The following LCORL variants were observed in gnomAD, a reference collection of about 807,000 sequenced individuals.
The protein encoded by LCORL is ligand-dependent nuclear receptor corepressor-like protein.
Under a neutral mutation model 141.8 loss-of-function variants are expected in LCORL, and 41 were observed. The ratio of observed to expected loss-of-function variants is 0.29; its 90% confidence interval spans 0.23 to 0.38. The LOEUF (loss-of-function observed/expected upper bound fraction) is 0.38. Among genes scored for constraint, LCORL ranks in the 10% least tolerant of loss-of-function variants. The probability of loss-of-function intolerance (pLI) is 1.00; values close to 1 mark genes in which losing one functional copy is unlikely to be tolerated. For missense variants in LCORL, 1,759 were observed against 2,035.0 expected (o/e 0.86, Z 2.61); for synonymous variants, 618 against 694.1 (o/e 0.89, Z 1.72).
chr4:17,853,039 T>C (rs1723944559), intron 7 of LCORL, among the ~76,000 whole-genome samples: 1 of 137,892 alleles, frequency 7.3e-6, no homozygotes, highest in Non-Finnish European at 1.6e-5. Flanking sequence ...GGCAGTGTGC[T>C]AAAAGCTTGA....
chr4:17,848,634 T>C lies in LCORL; in HGVS notation c.5603-2733A>G, dbSNP rs1038194445. On this transcript the variant is annotated intron_variant, in intron 7 of 7. Transcript: ENST00000635767. ...GACGAGTGATTTCTGCATTTCCATC[T>C]GAGGTACCAGGTTCATCTCACTAGG... 2.8e-3 allele frequency among the ~76,000 whole-genome samples: 422 copies of C among 152,382 alleles called. 2 individuals are homozygous for C. The highest frequency in any genetic ancestry group is 2.9e-3 in the Non-Finnish European group (199 of 68,040).
At chr4:17,923,246 T>G (rs926141316) in intron 4 of LCORL, among the ~76,000 whole-genome samples, 1 of 152,238 alleles carries the variant, frequency 6.6e-6, no homozygotes, top group Non-Finnish European at 1.5e-5. Flanking sequence ...GCTGAATTTA[T>G]GGATTTAGGC....
intron 1 of LCORL, among the ~76,000 whole-genome samples, chr4:17,989,482 G>A (rs1371680784): frequency 6.6e-6 from 1 of 152,128 alleles, no homozygotes; most frequent in Non-Finnish European, 1.5e-5. Flanking sequence ...GTTCGAGAAA[G>A]TAATAGACAG....
intron 2 of LCORL, 72 bp from the exon 3 acceptor site, chr4:17,963,121 G>A: frequency 2.8e-6 from 2 of 713,962 alleles, no homozygotes; most frequent in Admixed American, 2.7e-5. Context: ...ACTCTCCACA[G>A]CAATGGCTCA....
chr4:17,897,678 T>C (rs1730201382), intron 5 of LCORL, among the ~76,000 whole-genome samples: 2 of 152,324 alleles, frequency 1.3e-5, no homozygotes, highest in South Asian at 4.1e-4. Flanking sequence ...ATATTTTTCA[T>C]TCCACCGAAA....
At chr4:17,843,400 A>C in exon 8 of LCORL, 1 of 1,611,604 alleles carries the variant, frequency 6.2e-7, no homozygotes, top group Admixed American at 1.7e-5. Flanking sequence ...AACCTTGCCC[A>C]ATTTCTCAAT....
chr4:17,983,279 T>C (rs982239436), intron 1 of LCORL, among the ~76,000 whole-genome samples: 17 of 152,200 alleles, frequency 1.1e-4, no homozygotes, highest in African/African-American at 3.6e-4. Flanking sequence ...AATTTACAAA[T>C]AGTTGTTTCT....
exon 7 of LCORL, chr4:17,874,016 A>G: frequency 1.6e-6 from 2 of 1,234,096 alleles, no homozygotes; most frequent in South Asian, 8.2e-5. Context: ...AAACACACTG[A>G]TTATCTACTA....
intron 6 of LCORL, among the ~76,000 whole-genome samples, chr4:17,878,769 A>T (rs1057105230): frequency 6.6e-6 from 1 of 151,340 alleles, no homozygotes; most frequent in Non-Finnish European, 1.5e-5. Context: ...GGCGTTAGCT[A>T]TTTAAAAATA....
chr4:17,930,424 G>A (rs1048309664), intron 4 of LCORL, among the ~76,000 whole-genome samples: 8 of 152,166 alleles, frequency 5.3e-5, no homozygotes, highest in African/African-American at 1.9e-4. Flanking sequence ...AAGAGACACA[G>A]GAGAATAATG....
intron 5 of LCORL, among the ~76,000 whole-genome samples, chr4:17,907,694 T>G (rs1414000803): frequency 6.6e-6 from 1 of 151,912 alleles, no homozygotes; most frequent in Non-Finnish European, 1.5e-5. Context: ...ATCATAAAAA[T>G]AACACAGGGA....
At chr4:17,960,537 C>T (rs147566383) in intron 4 of LCORL, among the ~76,000 whole-genome samples, 9 of 152,196 alleles carry the variant, frequency 5.9e-5, no homozygotes, top group Non-Finnish European at 7.4e-5. Context: ...CTTAGTGATA[C>T]AAGTCTGATA....
chr4:17,886,040 T>C, intron 6 of LCORL, 28 bp downstream of exon 6: 1 of 1,133,246 alleles, frequency 8.8e-7, no homozygotes, highest in Non-Finnish European at 1.3e-6. Context: ...ATATTAATAT[T>C]AAATTATATT....
At chr4:17,841,929 CCTTT>C (rs1722451426) in exon 8 of LCORL, 1 of 161,812 alleles carries the variant, frequency 6.2e-6, no homozygotes, top group Admixed American at 6.2e-5. Context: ...ACCTAACCTA[CCTTT>C]CTAACCCTTA....
intron 4 of LCORL, among the ~76,000 whole-genome samples, chr4:17,923,171 C>A (rs1453647746): frequency 6.6e-6 from 1 of 152,090 alleles, no homozygotes; most frequent in Non-Finnish European, 1.5e-5. Context: ...ATCTGGAGAA[C>A]AGGCATGGAA....
intron 5 of LCORL, among the ~76,000 whole-genome samples, chr4:17,901,838 C>T (rs976505098): frequency 1.3e-5 from 2 of 151,832 alleles, no homozygotes; most frequent in Non-Finnish European, 2.9e-5. Context: ...CAAATAATTA[C>T]AAGGGTAACA....
chr4:17,989,454 C>T (rs1004204044), intron 1 of LCORL, among the ~76,000 whole-genome samples: 1 of 152,060 alleles, frequency 6.6e-6, no homozygotes, highest in Non-Finnish European at 1.5e-5. Context: ...TTCAATGACA[C>T]CAAAGTAAGT....
chr4:17,975,115 T>C (rs1188455333), intron 1 of LCORL, among the ~76,000 whole-genome samples: 1 of 152,080 alleles, frequency 6.6e-6, no homozygotes, highest in Non-Finnish European at 1.5e-5. Flanking sequence ...TAATTATTTT[T>C]TATTTTCACT....
At chr4:17,878,325 T>C in intron 6 of LCORL, 112 bp from the exon 7 acceptor site, 1 of 605,822 alleles carries the variant, frequency 1.7e-6, no homozygotes, top group Non-Finnish European at 2.4e-6. Context: ...GACTCCTGAC[T>C]CCTAGAGAGC....
Sources: gnomAD v4.1 joint callset for allele counts (sites outside exome capture counted in the v4.1 genomes callset) on GRCh38, gnomAD v4.1.1 for gene constraint, MANE v1.5 for transcripts, NCBI Gene and HGNC (gene_info 2026-07-23, HGNC 2026-07-21) for gene names.